Variants in SCARA3 observed in about 807,000 individuals in gnomAD.
SCARA3 encodes the protein scavenger receptor class A member 3.
Under a neutral mutation model 47.0 loss-of-function variants are expected in SCARA3, and 39 were observed. The observed-to-expected ratio is 0.83, with a 90% CI of 0.64 to 1.08. The LOEUF (loss-of-function observed/expected upper bound fraction) is 1.08, where lower values mean the gene tolerates loss of function less well. Among genes scored for constraint, SCARA3 ranks in the 50% least tolerant of loss-of-function variants. SCARA3 has a pLI of 0.00. For missense variants in SCARA3, 724 were observed against 792.3 expected (o/e 0.91, Z 1.04); for synonymous variants, 356 against 334.1 (o/e 1.07, Z -0.71).
chr8:27,715,012 T>A, the SCARA3 span, among the ~76,000 whole-genome samples: 27 of 152,254 alleles, frequency 1.8e-4, no homozygotes, highest in African/African-American at 6.0e-4. This position sits in a 1 kb window ranked among gnomAD's most constrained non-coding sequence, Gnocchi z 4.2. Flanking sequence ...CTCAAACTCC[T>A]GGGCTCAAGC....
At chr8:27,668,546 C>CAAAAAA (rs61162841) in intron 5 of SCARA3, among the ~76,000 whole-genome samples, 11 of 69,816 alleles carry the variant, frequency 1.6e-4, no homozygotes, top group Middle Eastern at 8.9e-3. Context: ...GACTCCGTCT[C>CAAAAAA]AAAAAAAAAA....
At chr8:27,641,072 G>A (rs1175001169) in intron 1 of SCARA3, among the ~76,000 whole-genome samples, 1 of 152,192 alleles carries the variant, frequency 6.6e-6, no homozygotes, top group Non-Finnish European at 1.5e-5. Flanking sequence ...CAATCCCCTG[G>A]AGATGGGCAT....
downstream of SCARA3, chr8:27,673,154 C>T (rs1057254394): frequency 4.2e-6 from 1 of 235,550 alleles, no homozygotes; most frequent in African/African-American, 2.3e-5. Context: ...TGGGTCTAAC[C>T]TCATTTTAGA....
At chr8:27,681,741 T>C (rs1357834219), downstream of SCARA3, among the ~76,000 whole-genome samples, 1 of 152,016 alleles carries the variant, frequency 6.6e-6, no homozygotes, top group Non-Finnish European at 1.5e-5. Flanking sequence ...AGTAAACAAA[T>C]CTCTACATAT....
At chr8:27,706,837 A>T in the SCARA3 span, among the ~76,000 whole-genome samples, 1 of 152,202 alleles carries the variant, frequency 6.6e-6, no homozygotes, top group African/African-American at 2.4e-5. Flanking sequence ...TACCTATGAG[A>T]AAAGAATCAA....
At chr8:27,713,706 A>T in the SCARA3 span, among the ~76,000 whole-genome samples, 1 of 152,280 alleles carries the variant, frequency 6.6e-6, no homozygotes, top group East Asian at 1.9e-4. Context: ...CTACAAAAAG[A>T]TATTCCAGGC....
chr8:27,667,229 C>A (rs1273262484), intron 5 of SCARA3, among the ~76,000 whole-genome samples: 3 of 152,226 alleles, frequency 2.0e-5, no homozygotes, highest in African/African-American at 7.2e-5. Flanking sequence ...TCCTCCCTAG[C>A]CAGACCAGGT....
At chr8:27,712,767 G>A in the SCARA3 span, among the ~76,000 whole-genome samples, 1 of 151,974 alleles carries the variant, frequency 6.6e-6, no homozygotes, top group African/African-American at 2.4e-5. Context: ...CTGTGTAGAC[G>A]TAAGTTTTTA....
At chr8:27,694,444 A>T in the SCARA3 span, among the ~76,000 whole-genome samples, 1 of 152,244 alleles carries the variant, frequency 6.6e-6, no homozygotes, top group Non-Finnish European at 1.5e-5. Flanking sequence ...ACAGAGATAT[A>T]GAGATACATA....
chr8:27,674,436 G>A (rs978077476), downstream of SCARA3, among the ~76,000 whole-genome samples: 7 of 152,152 alleles, frequency 4.6e-5, no homozygotes, highest in African/African-American at 1.7e-4. Context: ...CTTCAGTTTC[G>A]TCATCAGAAA....
the SCARA3 span, among the ~76,000 whole-genome samples, chr8:27,707,444 C>A: frequency 6.8e-6 from 1 of 147,864 alleles, no homozygotes. Flanking sequence ...AAAAAAGGAA[C>A]AATCATTTAA....
At chr8:27,685,928 G>T in the SCARA3 span, among the ~76,000 whole-genome samples, 1 of 152,170 alleles carries the variant, frequency 6.6e-6, no homozygotes, top group East Asian at 1.9e-4. Flanking sequence ...ACATGAGGTG[G>T]GGGGGAAATG....
In SCARA3 at chr8:27,656,664, A is replaced by G. The variant is rs571729883; in HGVS notation, c.227-118A>G. On this transcript the variant is annotated intron_variant, in intron 3 of 5. Coordinates refer to ENST00000301904, the MANE Select transcript of SCARA3 (RefSeq NM_016240.3). ...CCTAACCGCCATGAAGAAGCCTGAGAGAAGAAGGGTGAAAGGTTTTGGTTG... is the reference window on the plus strand; with the variant it reads ...CCTAACCGCCATGAAGAAGCCTGAGGGAAGAAGGGTGAAAGGTTTTGGTTG... 40 of 693,458 alleles carry G rather than the reference A, an allele frequency of 5.8e-5. No homozygotes were observed. The South Asian group carries it at 6.8e-4, about 12-fold the overall frequency. The allele number at this position is 693,458 out of a possible 1,614,324, so 43.0% of individuals were successfully genotyped here. A position where few individuals can be genotyped will look rare whatever the true frequency, so the allele number is the denominator to read the frequency against.
the SCARA3 span, among the ~76,000 whole-genome samples, chr8:27,700,085 TAA>T: frequency 2.0e-4 from 30 of 152,184 alleles, no homozygotes; most frequent in African/African-American, 6.5e-4. Flanking sequence ...AAAAAATACA[TAA>T]GATAATTTTT....
chr8:27,655,261 CA>C (rs2128919670), intron 3 of SCARA3, among the ~76,000 whole-genome samples: 1 of 152,184 alleles, frequency 6.6e-6, no homozygotes, highest in African/African-American at 2.4e-5. Context: ...AGTCACCCAA[CA>C]AATGTGATGT....
the SCARA3 span, among the ~76,000 whole-genome samples, chr8:27,693,841 C>T: frequency 6.6e-6 from 1 of 152,214 alleles, no homozygotes; most frequent in Non-Finnish European, 1.5e-5. Context: ...CAACCAATTG[C>T]CAATCAGAAA....
At chr8:27,651,072 G>T (rs1458107918) in intron 2 of SCARA3, among the ~76,000 whole-genome samples, 1 of 152,130 alleles carries the variant, frequency 6.6e-6, no homozygotes, top group East Asian at 1.9e-4. Flanking sequence ...CAGGATGATT[G>T]GCACCATGCT....
chr8:27,662,884 A>G (rs1199877230), intron 5 of SCARA3, among the ~76,000 whole-genome samples: 1 of 152,258 alleles, frequency 6.6e-6, no homozygotes, highest in East Asian at 1.9e-4. Context: ...GAGGCTGACT[A>G]GTATCTACAG....
At chr8:27,678,573 A>G (rs919926054), downstream of SCARA3, among the ~76,000 whole-genome samples, 2 of 152,176 alleles carry the variant, frequency 1.3e-5, no homozygotes, top group African/African-American at 4.8e-5. Flanking sequence ...TCCACACCCA[A>G]ATAGGCTCAC....
Sources: gnomAD v4.1 joint callset for allele counts (sites outside exome capture counted in the v4.1 genomes callset) on GRCh38, gnomAD v4.1.1 for gene constraint, Gnocchi (gnomAD v3.1) non-coding constraint, MANE v1.5 for transcripts, NCBI Gene and HGNC (gene_info 2026-07-23, HGNC 2026-07-21) for gene names.